ENKD1: variants seen among roughly 807,000 people sequenced by gnomAD.
ENKD1 encodes enkurin domain-containing protein 1.
A neutral mutation model predicts 35.8 loss-of-function variants in ENKD1; 39 were observed. The ratio of observed to expected loss-of-function variants is 1.09; its 90% CI spans 0.84 to 1.42. The LOEUF is 1.42. ENKD1 is among the 40% of genes most tolerant of loss of function. The pLI is 0.00. For missense variants in ENKD1, 474 were observed against 471.3 expected (o/e 1.01, Z -0.05); for synonymous variants, 205 against 198.6 (o/e 1.03, Z -0.27).
At position 67,665,075 on chromosome 16, in the gene ENKD1, C is replaced by T. The variant is rs1597782601; in HGVS notation, c.374G>A (p.Gly125Asp). The T allele has an allele frequency of 1.2e-6, 2 of 1,613,914 alleles. No homozygotes were observed. The highest frequency in any genetic ancestry group is 1.3e-5 in the African/African-American group (1 of 75,042). Residue 125 changes from glycine (G) to aspartate (D), a missense_variant, in exon 3 of 7, where the codon GGC becomes GAC. By Grantham distance (94) the Gly-to-Asp change is moderately conservative. Coordinates refer to ENST00000243878, the MANE Select transcript of ENKD1 (RefSeq NM_032140.3). ...CAGAGCTTTCAGGGGCCTGGGCTGG[C>T]CCTGCTCCCGGCTGCGCTCCTGTTC... is the stretch of plus-strand genomic sequence containing the variant. ...FREQERSREQ[G>D]QPRPLKALWR...
Position 67,666,224 on chromosome 16 carries a change from G to GC in ENKD1, c.126dup (p.Leu43AlafsTer56). Reference sequence around the variant, plus strand: ...GTGTCCAGGGCCCGGTCGGAAGTCAGCAAGTCCAGCTTCAGCGCGTTTCCC... The same window carrying GC: ...GTGTCCAGGGCCCGGTCGGAAGTCAGCCAAGTCCAGCTTCAGCGCGTTTCCC... On this transcript the variant is annotated frameshift_variant, in exon 2 of 7. Transcript: ENST00000243878. LOFTEE classifies it high-confidence loss of function. 6.2e-7 allele frequency: 1 copy of GC among 1,608,350 alleles called. No homozygotes were observed. The highest frequency in any genetic ancestry group is 8.5e-7 in the Non-Finnish European group (1 of 1,177,116).
rs893917093 is a variant in ENKD1, at chr16:67,666,567, C to T, written c.-125G>A. 3 of 919,084 alleles carry T rather than the reference C, an allele frequency of 3.3e-6. No individual in the cohort carries two copies. In the African/African-American group the frequency reaches 5.3e-5, roughly 16 times the overall value. The allele number at this position is 919,084 out of a possible 1,614,324, so 56.9% of individuals were successfully genotyped here. ...GGCACCCTGACCCTGGCGTGCCCGCCACTCCCGGGCCCCTGCCGGTCCCCG... is the reference window on the plus strand; with the variant it reads ...GGCACCCTGACCCTGGCGTGCCCGCTACTCCCGGGCCCCTGCCGGTCCCCG... On this transcript the variant is annotated 5_prime_UTR_variant, in exon 1 of 7. Transcript: ENST00000243878.
intron 3 of ENKD1, chr16:67,664,502 G>A: frequency 2.9e-6 from 1 of 349,486 alleles, no homozygotes; most frequent in Non-Finnish European, 5.5e-6. Flanking sequence ...GAACCCCACA[G>A]ATGCTTCAGC....
In ENKD1 at chr16:67,664,065, G is replaced by A. The variant is rs377698422; in HGVS notation, c.454-3C>T. 50 of 1,554,828 alleles carry A rather than the reference G, an allele frequency of 3.2e-5. No homozygotes were observed. Among genetic ancestry groups the A allele is most frequent in the Non-Finnish European group, 4.3e-5 (49 of 1,149,144 alleles). On this transcript the variant is annotated splice_polypyrimidine_tract_variant and splice_region_variant and intron_variant, in intron 3 of 6. Coordinates refer to ENST00000243878, the MANE Select transcript of ENKD1 (RefSeq NM_032140.3). Reference sequence around the variant, plus strand: ...GTCCCAGAGGCAGGGCCAGGCTCCTGGAGGGCAGGGCACAGCAGAGAGAGC... The same window carrying A: ...GTCCCAGAGGCAGGGCCAGGCTCCTAGAGGGCAGGGCACAGCAGAGAGAGC...
At position 67,663,701 on chromosome 16, in the gene ENKD1, G is replaced by A. The variant is rs1352838035; in HGVS notation, c.699C>T (p.Ala233=). 5.0e-6 allele frequency: 8 copies of A among 1,613,208 alleles called. No individual in the cohort carries two copies. The African/African-American group carries it at 1.1e-4, about 22-fold the overall frequency. The change falls in exon 5 of 7, where the codon GCC becomes GCT. Residue 233 remains alanine, a synonymous_variant. Transcript: ENST00000243878. ...TCTGCGTGGCATTGTAGTGCTCCTGGGCCTGCCGCTGCTGCTCTAGCACTT... is the reference window on the plus strand; with the variant it reads ...TCTGCGTGGCATTGTAGTGCTCCTGAGCCTGCCGCTGCTGCTCTAGCACTT... The part of the protein sequence containing the change: ...LAQVLEQQRQ[A]QEHYNATQKG...
At position 67,663,917 on chromosome 16, in the gene ENKD1, G is replaced by T. The variant is rs1364165028; in HGVS notation, c.579+20C>A. The stretch of plus-strand genomic sequence containing the variant: ...AGGAGCCCTGCCCAACCACCATCTA[G>T]CCCCCATACATCCTCTCACCTTAGC... On this transcript the variant is annotated intron_variant, in intron 4 of 6. Coordinates refer to ENST00000243878, the MANE Select transcript of ENKD1 (RefSeq NM_032140.3). 1 of 1,606,922 alleles carries T rather than the reference G, an allele frequency of 6.2e-7. No homozygotes were observed.
At chr16:67,664,293 C>A (rs2053072147) in intron 3 of ENKD1, 2 of 623,446 alleles carry the variant, frequency 3.2e-6, no homozygotes, top group Non-Finnish European at 5.9e-6. Flanking sequence ...AGCTACCACT[C>A]TCTTTCCTCC....
intron 2 of ENKD1, among the ~76,000 whole-genome samples, 200 bp from the exon 3 acceptor site, chr16:67,665,368 CATTATTATT>C (rs748706844): frequency 1.3e-5 from 2 of 151,286 alleles, no homozygotes; most frequent in Non-Finnish European, 2.9e-5. Context: ...TGATTTTCTC[CATTATTATT>C]ATTATTATTA....
intron 1 of ENKD1, 42 bp from the exon 2 acceptor site, chr16:67,666,307 A>C (rs1409881323): frequency 1.3e-6 from 2 of 1,597,718 alleles, no homozygotes; most frequent in South Asian, 1.1e-5. Flanking sequence ...TCAGAGGTGG[A>C]GCCAGGGCCG....
At chr16:67,665,308 A>T in intron 2 of ENKD1, 140 bp from the exon 3 acceptor site, 1 of 728,004 alleles carries the variant, frequency 1.4e-6, no homozygotes, top group East Asian at 2.9e-5. Context: ...CCCTACACAC[A>T]CTCTCCCTCA....
intron 2 of ENKD1, among the ~76,000 whole-genome samples, 190 bp downstream of exon 2, chr16:67,665,881 C>T (rs1157555433): frequency 1.3e-5 from 2 of 152,220 alleles, no homozygotes; most frequent in East Asian, 1.9e-4. Context: ...GCTAGGGCTT[C>T]GTGGGAACTA....
At position 67,663,276 on chromosome 16, in the gene ENKD1, G is replaced by A; in HGVS notation, c.926C>T (p.Ala309Val). Residue 309 changes from alanine (A) to valine (V), a missense_variant, in exon 7 of 7, where the codon GCA (alanine) becomes GTA (valine). Transcript: ENST00000243878. Reference protein sequence around the residue: ...LRELVLLPAGADSLRAQSHRA... With the variant: ...LRELVLLPAGVDSLRAQSHRA... ...GTGGCTCTGGGCTCTCAGTGAGTCT[G>A]CCCCAGCAGGCAGCAGTACCAGCTC... is the stretch of plus-strand genomic sequence containing the variant. The A allele has an allele frequency of 6.2e-7, 1 of 1,613,806 alleles. No individual in the cohort carries two copies. The highest frequency in any genetic ancestry group is 8.5e-7 in the Non-Finnish European group (1 of 1,180,040).
At chr16:67,663,909 AC>A in intron 4 of ENKD1, 27 bp downstream of exon 4, 1 of 1,605,848 alleles carries the variant, frequency 6.2e-7, no homozygotes, top group Non-Finnish European at 8.5e-7. Flanking sequence ...CTGCCCAACC[AC>A]CATCTAGCCC....
Position 67,666,731 on chromosome 16 carries a change from G to C in ENKD1, c.-289C>G. ...TTGCCGCCAGCCGCTGCCACCCGAC[G>C]GGACTTGTTGTTGCCGGGCAACCGT... On this transcript the variant is annotated 5_prime_UTR_variant, in exon 1 of 7. Coordinates refer to ENST00000243878, the MANE Select transcript of ENKD1 (RefSeq NM_032140.3). 1 of 481,046 alleles carries C rather than the reference G, an allele frequency of 2.1e-6. No homozygotes were observed. The highest frequency in any genetic ancestry group is 3.6e-6 in the Non-Finnish European group (1 of 277,070). 29.8% of individuals were successfully genotyped at this position (481,046 alleles called of 1,614,324 possible). A position where few individuals can be genotyped will look rare whatever the true frequency, so the allele number is the denominator to read the frequency against.
rs768497566 is a variant in ENKD1 at position 67,663,680 on chromosome 16, C to G, written c.720G>C (p.Thr240=). ...ACTAATGTGGCACATGGCCCTTCTG[C>G]GTGGCATTGTAGTGCTCCTGGGCCT... is the stretch of plus-strand genomic sequence containing the variant. ...QRQAQEHYNA[T]QKGHVPHYLL... The change falls in exon 5 of 7, where the codon ACG becomes ACC. Residue 240 remains threonine, a synonymous_variant. Transcript: ENST00000243878. 6.2e-7 allele frequency: 1 copy of G among 1,612,442 alleles called. No homozygotes were observed. Among genetic ancestry groups the G allele is most frequent in the Non-Finnish European group, 8.5e-7 (1 of 1,179,066 alleles).
Position 67,666,177 on chromosome 16 carries a change from G to T in ENKD1, c.174C>A (p.Cys58Ter), listed in dbSNP as rs773855657. The change falls in exon 2 of 7, where the codon TGC becomes TGA. Residue 58 changes from cysteine (C) to a stop codon, truncating the protein, a stop_gained. Coordinates refer to ENST00000243878, the MANE Select transcript of ENKD1 (RefSeq NM_032140.3). LOFTEE classifies it high-confidence loss of function. Reference protein sequence around the residue: ...ALDTTAPRGPCIGPGAGEILE... With the variant: ...ALDTTAPRGP The stretch of plus-strand genomic sequence containing the variant: ...GGATCTCTCCGGCACCGGGACCGAT[G>T]CAGGGGCCACGGGGAGCGGTGGTGT... 3 of 1,612,324 alleles carry T rather than the reference G, an allele frequency of 1.9e-6. No homozygotes were observed. The highest frequency in any genetic ancestry group is 4.5e-5 in the East Asian group (2 of 44,886).
chr16:67,663,690 T>TAG lies in ENKD1; in HGVS notation c.708_709dup (p.Tyr237SerfsTer53). On this transcript the variant is annotated frameshift_variant, in exon 5 of 7. Transcript: ENST00000243878. LOFTEE classifies it high-confidence loss of function. ...CACATGGCCCTTCTGCGTGGCATTG[T>TAG]AGTGCTCCTGGGCCTGCCGCTGCTG... 6.2e-7 allele frequency: 1 copy of TAG among 1,613,292 alleles called. No individual in the cohort carries two copies. Among genetic ancestry groups the TAG allele is most frequent in the South Asian group, 1.1e-5 (1 of 90,976 alleles).
Position 67,663,930 on chromosome 16 carries a change from C to A in ENKD1, c.579+7G>T. 1 of 1,607,600 alleles carries A rather than the reference C, an allele frequency of 6.2e-7. No individual in the cohort carries two copies. The highest frequency in any genetic ancestry group is 8.5e-7 in the Non-Finnish European group (1 of 1,177,022). ...AACCACCATCTAGCCCCCATACATC[C>A]TCTCACCTTAGCTTCGGGACCTGGT... On this transcript the variant is annotated splice_region_variant and intron_variant, in intron 4 of 6. Coordinates refer to ENST00000243878, the MANE Select transcript of ENKD1 (RefSeq NM_032140.3).
At chr16:67,664,487 C>A (rs1056691771) in intron 3 of ENKD1, 2 of 355,596 alleles carry the variant, frequency 5.6e-6, no homozygotes, top group South Asian at 2.2e-5. Flanking sequence ...ACTCCCACCC[C>A]CTGGGAACCC....
Sources: gnomAD v4.1 joint callset for allele counts (sites outside exome capture counted in the v4.1 genomes callset) on GRCh38, gnomAD v4.1.1 for gene constraint, MANE v1.5 for transcripts, NCBI Gene and HGNC (gene_info 2026-07-23, HGNC 2026-07-21) for gene names.